UNC5C: variants seen among roughly 807,000 people sequenced by gnomAD.
The protein encoded by UNC5C is unc-5 netrin receptor C.
Under a neutral mutation model 99.8 loss-of-function variants are expected in UNC5C, and 47 were observed. That is an observed-to-expected ratio of 0.47 (90% CI 0.37 to 0.60). The LOEUF (loss-of-function observed/expected upper bound fraction) is 0.60. UNC5C is among the 20% of genes least tolerant of loss of function. The pLI, the probability that UNC5C is intolerant of heterozygous loss-of-function variation, is 0.00. For missense variants in UNC5C, 1,062 were observed against 1,165.9 expected (o/e 0.91, Z 1.30); for synonymous variants, 487 against 452.2 (o/e 1.08, Z -0.98).
intron 1 of UNC5C, among the ~76,000 whole-genome samples, chr4:95,430,054 A>G (rs1746589704): frequency 1.3e-5 from 2 of 152,088 alleles, no homozygotes; most frequent in Non-Finnish European, 2.9e-5. Context: ...AGGGCAAGGA[A>G]AATACTTTGT....
chr4:95,308,821 A>C (rs546384625), intron 2 of UNC5C, among the ~76,000 whole-genome samples: 167 of 150,622 alleles, frequency 1.1e-3, no homozygotes, highest in African/African-American at 3.5e-3. Flanking sequence ...ATGTTCATGG[A>C]TTAGAAAAAC....
chr4:95,217,487 A>T (rs977504565), intron 9 of UNC5C, among the ~76,000 whole-genome samples: 2 of 152,240 alleles, frequency 1.3e-5, no homozygotes, highest in African/African-American at 4.8e-5. Context: ...TTTCATTGAA[A>T]ACATAAAACA....
At chr4:95,454,986 T>A (rs1747388488) in intron 1 of UNC5C, among the ~76,000 whole-genome samples, 1 of 151,944 alleles carries the variant, frequency 6.6e-6, no homozygotes, top group South Asian at 2.1e-4. Context: ...CCAGAATGAG[T>A]TATTTCTCAA....
chr4:95,509,195 A>T (rs1053713758), intron 1 of UNC5C, among the ~76,000 whole-genome samples: 6 of 151,708 alleles, frequency 4.0e-5, no homozygotes, highest in African/African-American at 1.4e-4. Context: ...CCCAGAGAAA[A>T]TTTTTTTGTA....
rs73838828 is a variant in UNC5C at position 95,439,595 on chromosome 4, T to A, written c.125-103964A>T. On this transcript the variant is annotated intron_variant, in intron 1 of 15. Transcript: ENST00000453304. ...CATACTTCCGTGTTAATGTGATAAGTTGAATATGTAATTGAAACTTTTTTG... is the reference window on the plus strand; with the variant it reads ...CATACTTCCGTGTTAATGTGATAAGATGAATATGTAATTGAAACTTTTTTG... 2.8e-3 allele frequency among the ~76,000 whole-genome samples: 432 copies of A among 152,320 alleles called. 4 individuals are homozygous for A. Among genetic ancestry groups the A allele is most frequent in the African/African-American group, 9.8e-3 (408 of 41,580 alleles).
At chr4:95,353,043 C>A (rs1444449140) in intron 1 of UNC5C, among the ~76,000 whole-genome samples, 2 of 152,140 alleles carry the variant, frequency 1.3e-5, no homozygotes, top group African/African-American at 4.8e-5. Context: ...TATTTTCCAT[C>A]AATATAGCCT....
chr4:95,282,720 G>C (rs1408786125), intron 3 of UNC5C, among the ~76,000 whole-genome samples: 1 of 152,148 alleles, frequency 6.6e-6, no homozygotes, highest in Admixed American at 6.5e-5. Context: ...GCCTCTCTGA[G>C]CATTCATTCC....
At chr4:95,471,308 T>C (rs548879730) in intron 1 of UNC5C, among the ~76,000 whole-genome samples, 1 of 152,158 alleles carries the variant, frequency 6.6e-6, no homozygotes, top group Non-Finnish European at 1.5e-5. Flanking sequence ...ATATACTTCA[T>C]GTAAGTGTAC....
intron 1 of UNC5C, among the ~76,000 whole-genome samples, chr4:95,455,645 T>C (rs950860687): frequency 2.0e-5 from 3 of 151,956 alleles, no homozygotes; most frequent in African/African-American, 7.2e-5. Context: ...TAAATAAATA[T>C]ATAAATAAAG....
chr4:95,216,367 C>T (rs1349157367), intron 9 of UNC5C, among the ~76,000 whole-genome samples, 156 bp from the exon 10 acceptor site: 1 of 152,166 alleles, frequency 6.6e-6, no homozygotes. Context: ...TCATTGGCCT[C>T]CTTACCACGG....
intron 7 of UNC5C, among the ~76,000 whole-genome samples, chr4:95,223,274 A>C (rs1441132911): frequency 6.6e-6 from 1 of 152,226 alleles, no homozygotes; most frequent in Non-Finnish European, 1.5e-5. Flanking sequence ...GAATTAATCA[A>C]ATGATACAGC....
intron 1 of UNC5C, among the ~76,000 whole-genome samples, chr4:95,424,671 C>G (rs377617832): frequency 1.7e-4 from 25 of 150,922 alleles, no homozygotes; most frequent in Admixed American, 9.2e-4. Context: ...ACAGGTGCCC[C>G]CCACCACGCC....
At chr4:95,230,264 T>C (rs1417607047) in intron 7 of UNC5C, among the ~76,000 whole-genome samples, 1 of 152,188 alleles carries the variant, frequency 6.6e-6, no homozygotes, top group African/African-American at 2.4e-5. Context: ...ATGTCTGTTC[T>C]TATTGTTTGC....
chr4:95,390,343 C>A (rs1281972757), intron 1 of UNC5C, among the ~76,000 whole-genome samples: 1 of 149,788 alleles, frequency 6.7e-6, no homozygotes, highest in African/African-American at 2.5e-5. Context: ...GAGGAGGATG[C>A]AACTGAAGAA....
At chr4:95,535,028 G>T (rs952566371) in intron 1 of UNC5C, among the ~76,000 whole-genome samples, 7 of 152,070 alleles carry the variant, frequency 4.6e-5, no homozygotes, top group African/African-American at 1.4e-4. Flanking sequence ...TTGTCTTTAC[G>T]AATACAGCAA....
chr4:95,311,254 T>C lies in UNC5C; in HGVS notation c.347-9505A>G, dbSNP rs545347912. 3.9e-5 allele frequency among the ~76,000 whole-genome samples: 6 copies of C among 152,300 alleles called. No individual in the cohort carries two copies. The South Asian group carries it at 1.2e-3, about 32-fold the overall frequency. On this transcript the variant is annotated intron_variant, in intron 2 of 15. Coordinates refer to ENST00000453304, the MANE Select transcript of UNC5C (RefSeq NM_003728.4). ...AAAAGGGCAGCTAAAATGCTTTCTG[T>C]AATTAACTTATGCCTTGTGTGTCAA...
intron 1 of UNC5C, among the ~76,000 whole-genome samples, chr4:95,422,656 A>C (rs1205431894): frequency 6.6e-6 from 1 of 152,174 alleles, no homozygotes; most frequent in Non-Finnish European, 1.5e-5. Flanking sequence ...CATCTCAATT[A>C]GTTCAGACCC....
At chr4:95,524,135 G>A (rs527897748) in intron 1 of UNC5C, among the ~76,000 whole-genome samples, 1 of 152,276 alleles carries the variant, frequency 6.6e-6, no homozygotes, top group Non-Finnish European at 1.5e-5. Context: ...ATTTTTGGTA[G>A]CTTTAATTCA....
intron 1 of UNC5C, among the ~76,000 whole-genome samples, chr4:95,450,406 A>G (rs1747249090): frequency 6.6e-6 from 1 of 152,168 alleles, no homozygotes. Context: ...TTTTTTCTGT[A>G]GAGAGTGTGT....
Sources: allele counts gnomAD v4.1 joint callset (sites outside exome capture counted in the v4.1 genomes callset), GRCh38; gene constraint gnomAD v4.1.1; transcripts MANE v1.5; gene names NCBI Gene and HGNC (gene_info 2026-07-23, HGNC 2026-07-21).